Variants in TASP1 observed in about 807,000 individuals in gnomAD.
The protein encoded by TASP1 is taspase 1.
In TASP1, 16 loss-of-function variants were observed where a neutral mutation model predicts 56.6. The observed-to-expected ratio is 0.28, with a 90% CI of 0.19 to 0.43. The LOEUF (loss-of-function observed/expected upper bound fraction) is 0.43, where lower values mean the gene tolerates loss of function less well. Ranked by LOEUF, TASP1 falls within the 20% of genes least tolerant of loss-of-function variation. TASP1 has a pLI of 1.00. For missense variants in TASP1, 393 were observed against 511.6 expected, an observed-to-expected ratio of 0.77 and a Z score of 2.24; for synonymous variants, 179 against 184.2, an observed-to-expected ratio of 0.97 and a Z score of 0.23.
chr20:13,627,310 T>C (rs779811116), intron 2 of TASP1, among the ~76,000 whole-genome samples: 3 of 152,202 alleles, frequency 2.0e-5, no homozygotes, highest in Non-Finnish European at 4.4e-5. Context: ...CGCTTTTGCA[T>C]AATCAATCAC....
At chr20:13,501,702 T>A (rs912783945) in intron 10 of TASP1, among the ~76,000 whole-genome samples, 1 of 152,012 alleles carries the variant, frequency 6.6e-6, no homozygotes, top group Admixed American at 6.6e-5. Flanking sequence ...AAATACTCCA[T>A]GTAAAAGGCA....
At chr20:13,465,378 T>G (rs2044217851) in intron 11 of TASP1, among the ~76,000 whole-genome samples, 1 of 151,982 alleles carries the variant, frequency 6.6e-6, no homozygotes, top group Non-Finnish European at 1.5e-5. Context: ...CACTCGTACC[T>G]TGCTACTGGG....
chr20:13,182,606 A>G, the TASP1 span, among the ~76,000 whole-genome samples: 5 of 152,296 alleles, frequency 3.3e-5, no homozygotes, highest in African/African-American at 1.2e-4. Flanking sequence ...GATTGGTGAA[A>G]TCCAATGCCA....
chr20:13,526,410 G>A (rs6033745), intron 10 of TASP1, among the ~76,000 whole-genome samples: 37,017 of 151,904 alleles, frequency 0.24, 4,614 homozygotes, highest in Middle Eastern at 0.3. Flanking sequence ...CTTTGTTCAA[G>A]TACTACAATT....
At chr20:13,214,532 C>A in the TASP1 span, among the ~76,000 whole-genome samples, 3 of 81,342 alleles carry the variant, frequency 3.7e-5, no homozygotes, top group East Asian at 6.3e-4. Context: ...CACACACACA[C>A]ACACACACAC....
chr20:13,207,338 C>G, the TASP1 span, among the ~76,000 whole-genome samples: 1 of 152,176 alleles, frequency 6.6e-6, no homozygotes, highest in African/African-American at 2.4e-5. Flanking sequence ...CTTTTACCCA[C>G]AAGCCACTAG....
At chr20:13,556,937 C>T (rs573760729) in intron 8 of TASP1, among the ~76,000 whole-genome samples, 142 of 152,254 alleles carry the variant, frequency 9.3e-4, no homozygotes, top group African/African-American at 3.0e-3. Flanking sequence ...TAATTATATG[C>T]TAATATGTCT....
At chr20:13,265,614 T>C in the TASP1 span, among the ~76,000 whole-genome samples, 2 of 152,170 alleles carry the variant, frequency 1.3e-5, no homozygotes, top group Admixed American at 1.3e-4. Context: ...CTGCACTCAA[T>C]CCATTTGTCC....
At chr20:13,187,516 G>A in the TASP1 span, among the ~76,000 whole-genome samples, 4 of 151,790 alleles carry the variant, frequency 2.6e-5, no homozygotes, top group Non-Finnish European at 5.9e-5. Flanking sequence ...TTGGGAGGCC[G>A]AGGTGGGTGG....
At chr20:13,291,674 A>G in the TASP1 span, among the ~76,000 whole-genome samples, 6 of 152,158 alleles carry the variant, frequency 3.9e-5, no homozygotes, top group Admixed American at 2.6e-4. Context: ...CTCAGAGCAA[A>G]TTATGAGAAG....
the TASP1 span, among the ~76,000 whole-genome samples, chr20:13,195,718 A>G: frequency 6.6e-6 from 1 of 152,204 alleles, no homozygotes; most frequent in Non-Finnish European, 1.5e-5. Context: ...GAGGAGCCCA[A>G]ATGAAGACAT....
At chr20:13,124,282 T>C in the TASP1 span, among the ~76,000 whole-genome samples, 1 of 150,570 alleles carries the variant, frequency 6.6e-6, no homozygotes, top group East Asian at 2.0e-4. Context: ...AGGTTATTGG[T>C]ATATACTTGC....
chr20:13,569,421 T>G lies in TASP1; in HGVS notation c.568+86A>C, dbSNP rs1046514861. On this transcript the variant is annotated intron_variant, in intron 7 of 13. Transcript: ENST00000337743. ...ATATAAGTATTCTTCCATAAATATCTGTACTACATGGGTCATAACAGAAGC... is the reference window on the plus strand; with the variant it reads ...ATATAAGTATTCTTCCATAAATATCGGTACTACATGGGTCATAACAGAAGC... The G allele has an allele frequency of 3.2e-6, 3 of 951,646 alleles. No homozygotes were observed. The African/African-American group carries it at 5.0e-5, about 16-fold the overall frequency. The allele number at this position is 951,646 out of a possible 1,614,324, so 59.0% of individuals were successfully genotyped here.
the TASP1 span, chr20:13,299,378 TC>T: frequency 6.2e-7 from 1 of 1,613,568 alleles, no homozygotes; most frequent in South Asian, 1.1e-5. This position sits in a 1 kb window ranked among gnomAD's most constrained non-coding sequence, Gnocchi z 5.8. Context: ...AGGCCCGGCC[TC>T]CCAACAACGG....
chr20:13,116,266 A>C, the TASP1 span, among the ~76,000 whole-genome samples: 1 of 152,226 alleles, frequency 6.6e-6, no homozygotes, highest in Non-Finnish European at 1.5e-5. Flanking sequence ...GGGAAAAAGG[A>C]GACGTTCAAC....
chr20:13,467,186 T>TACACACACACACAC (rs3042647), intron 11 of TASP1, among the ~76,000 whole-genome samples: 76 of 146,882 alleles, frequency 5.2e-4, no homozygotes, highest in African/African-American at 7.8e-4. Flanking sequence ...ACACATACAA[T>TACACACACACACAC]ACACACACAC....
the TASP1 span, among the ~76,000 whole-genome samples, chr20:13,253,960 A>G: frequency 1.3e-5 from 2 of 151,422 alleles, no homozygotes; most frequent in East Asian, 3.9e-4. Flanking sequence ...GCTCATGCCT[A>G]TAATCCCAGC....
At chr20:13,202,341 G>A in the TASP1 span, among the ~76,000 whole-genome samples, 14 of 152,240 alleles carry the variant, frequency 9.2e-5, no homozygotes, top group Admixed American at 5.9e-4. Context: ...GCAAATGTGA[G>A]TAAATTCAAG....
the TASP1 span, among the ~76,000 whole-genome samples, chr20:13,308,693 A>C: frequency 6.6e-6 from 1 of 152,224 alleles, no homozygotes; most frequent in Non-Finnish European, 1.5e-5. Flanking sequence ...TGTCTGAAAA[A>C]GAAAATTACA....
Sources: allele counts gnomAD v4.1 joint callset (sites outside exome capture counted in the v4.1 genomes callset), GRCh38; gene constraint gnomAD v4.1.1; non-coding constraint Gnocchi (gnomAD v3.1); transcripts MANE v1.5; gene names NCBI Gene and HGNC (gene_info 2026-07-23, HGNC 2026-07-21).